KIRREL3: variants seen among roughly 807,000 people sequenced by gnomAD.
The protein encoded by KIRREL3 is kin of IRRE-like protein 3.
KIRREL3 carries 36 observed loss-of-function variants against 89.7 expected under a neutral mutation model. The observed-to-expected ratio is 0.40, with a 90% confidence interval of 0.31 to 0.53. The LOEUF (loss-of-function observed/expected upper bound fraction) is 0.53. Among genes scored for constraint, KIRREL3 ranks in the 20% least tolerant of loss-of-function variants. The pLI is 0.49. For synonymous variants in KIRREL3, 445 were observed against 441.4 expected, an observed-to-expected ratio of 1.01 and a Z score of -0.10; for missense variants, 864 against 1,056.6, an observed-to-expected ratio of 0.82 and a Z score of 2.53.
rs1005879145 is a variant in KIRREL3 at position 126,558,039 on chromosome 11, A to G, written c.133+4796T>C. 5.3e-5 allele frequency among the ~76,000 whole-genome samples: 8 copies of G among 152,176 alleles called. No individual in the cohort carries two copies. The highest frequency in any genetic ancestry group is 2.6e-4 in the Admixed American group (4 of 15,288). On this transcript the variant is annotated intron_variant, in intron 2 of 16. Coordinates refer to ENST00000525144, the MANE Select transcript of KIRREL3 (RefSeq NM_032531.4). This position sits in a 1 kb window ranked among gnomAD's most constrained non-coding sequence, Gnocchi z 4.0. ...GCTCTCCCTTGGTCTCTTGAAGCAG[A>G]CATCATTGCAATGCTGAAAGTCCAC...
At position 126,498,852 on chromosome 11, in the gene KIRREL3, G is replaced by A. The variant is rs1404100359; in HGVS notation, c.433+22463C>T. On this transcript the variant is annotated intron_variant, in intron 4 of 16. Coordinates refer to ENST00000525144, the MANE Select transcript of KIRREL3 (RefSeq NM_032531.4). This position sits in a 1 kb window ranked among gnomAD's most constrained non-coding sequence, Gnocchi z 4.3. Reference sequence around the variant, plus strand: ...TCACAGGCTCAGGACCTCGACGCACGGAAACTTCTGGATCATTAAAGAAGC... The same window carrying A: ...TCACAGGCTCAGGACCTCGACGCACAGAAACTTCTGGATCATTAAAGAAGC... 3.9e-5 allele frequency among the ~76,000 whole-genome samples: 6 copies of A among 152,176 alleles called. No individual in the cohort carries two copies. The highest frequency in any genetic ancestry group is 6.5e-5 in the Admixed American group (1 of 15,284).
At chr11:126,540,566 G>A (rs1238069601) in intron 2 of KIRREL3, among the ~76,000 whole-genome samples, 3 of 152,236 alleles carry the variant, frequency 2.0e-5, no homozygotes, top group Non-Finnish European at 2.9e-5. Flanking sequence ...GATCAGGCTC[G>A]CGGCCCCTGC....
At chr11:126,700,124 G>A (rs951860677) in intron 1 of KIRREL3, among the ~76,000 whole-genome samples, 1 of 151,856 alleles carries the variant, frequency 6.6e-6, no homozygotes, top group Admixed American at 6.6e-5. Context: ...ATTCCAGGAG[G>A]TTGAGGCTGC....
chr11:126,524,968 G>A (rs1448500735), intron 3 of KIRREL3, among the ~76,000 whole-genome samples: 1 of 152,154 alleles, frequency 6.6e-6, no homozygotes, highest in Admixed American at 6.5e-5. Flanking sequence ...TGAGGTCATT[G>A]GCTCTGTATG....
chr11:126,713,185 G>T (rs769635575), intron 1 of KIRREL3, among the ~76,000 whole-genome samples: 5 of 152,246 alleles, frequency 3.3e-5, no homozygotes, highest in Non-Finnish European at 7.3e-5. Context: ...GTCTGAGAAG[G>T]CCATTTAGGG....
At chr11:126,681,793 G>A (rs1946469321) in intron 1 of KIRREL3, 1 of 424,316 alleles carries the variant, frequency 2.4e-6, no homozygotes. Flanking sequence ...GGTTCTATGA[G>A]GCTGAAAATA....
At position 126,740,179 on chromosome 11, in the gene KIRREL3, G is replaced by T. The variant is rs1361131715; in HGVS notation, c.56-177267C>A. ...TCTATTTTCAAGATATTATTTTTTA[G>T]AGGTGGCATCTAATTATGTTTTCTC... On this transcript the variant is annotated intron_variant, in intron 1 of 16. Transcript: ENST00000525144. This position sits in a 1 kb window ranked among gnomAD's most constrained non-coding sequence, Gnocchi z 6.0. 6.6e-6 allele frequency among the ~76,000 whole-genome samples: 1 copy of T among 151,954 alleles called. No individual in the cohort carries two copies. The highest frequency in any genetic ancestry group is 1.5e-5 in the Non-Finnish European group (1 of 68,010).
rs983034407 is a variant in KIRREL3, at chr11:126,565,611, C to T, written c.56-2699G>A. ...TGGGGAGAAGCTACTGGGATCTTTG[C>T]AAGAACGAGCAGGTTGGAGGATGAG... On this transcript the variant is annotated intron_variant, in intron 1 of 16. Transcript: ENST00000525144. The surrounding 1 kb of genome is among the most constrained non-coding windows in gnomAD (Gnocchi z 5.4). Among the ~76,000 whole-genome samples, 2 of 152,118 alleles carry T rather than the reference C, an allele frequency of 1.3e-5. No individual in the cohort carries two copies. Among genetic ancestry groups the T allele is most frequent in the African/African-American group, 4.8e-5 (2 of 41,406 alleles).
At chr11:126,650,897 A>C (rs757970586) in intron 1 of KIRREL3, among the ~76,000 whole-genome samples, 1 of 152,250 alleles carries the variant, frequency 6.6e-6, no homozygotes, top group African/African-American at 2.4e-5. Flanking sequence ...ACAGTTCCAC[A>C]TGGCTGGGAA....
At position 126,493,765 on chromosome 11, in the gene KIRREL3, C is replaced by T. The variant is rs148418373; in HGVS notation, c.434-20299G>A. 2.2e-3 allele frequency among the ~76,000 whole-genome samples: 341 copies of T among 152,074 alleles called. 3 individuals are homozygous for T. The highest frequency in any genetic ancestry group is 0.01 in the Middle Eastern group (3 of 294). ...ACAGCAGCCTGCATCTTCTACTCTG[C>T]CCCCAGCTGGCCCCGCCTGGGCAAA... On this transcript the variant is annotated intron_variant, in intron 4 of 16. Transcript: ENST00000525144.
intron 1 of KIRREL3, among the ~76,000 whole-genome samples, chr11:126,852,819 T>G (rs1230846211): frequency 6.6e-6 from 1 of 152,216 alleles, no homozygotes; most frequent in East Asian, 1.9e-4. Flanking sequence ...GGATCTTTGC[T>G]CTTGGCTTCT....
In KIRREL3 at chr11:126,553,153, T is replaced by C. The variant is rs958236461; in HGVS notation, c.133+9682A>G. Among the ~76,000 whole-genome samples the C allele has an allele frequency of 6.6e-6, 1 of 152,236 alleles. No individual in the cohort carries two copies. The highest frequency in any genetic ancestry group is 2.4e-5 in the African/African-American group (1 of 41,466). On this transcript the variant is annotated intron_variant, in intron 2 of 16. Coordinates refer to ENST00000525144, the MANE Select transcript of KIRREL3 (RefSeq NM_032531.4). This position sits in a 1 kb window ranked among gnomAD's most constrained non-coding sequence, Gnocchi z 4.7. ...CTGTTGTATTTCTCTATCAAATTCT[T>C]ACTCTAAGGAGATCTCTCTGACCAT...
rs1178216617 is a variant in KIRREL3, at chr11:126,455,605, G to A, written c.848+744C>T. Reference sequence around the variant, plus strand: ...AGATCGAGACCATCCTGGCTAACACGGTGAAACGCTGTCTCTACTAAAAAT... The same window carrying A: ...AGATCGAGACCATCCTGGCTAACACAGTGAAACGCTGTCTCTACTAAAAAT... On this transcript the variant is annotated intron_variant, in intron 7 of 16. Transcript: ENST00000525144. The surrounding 1 kb of genome is among the most constrained non-coding windows in gnomAD (Gnocchi z 6.4). 6.6e-6 allele frequency among the ~76,000 whole-genome samples: 1 copy of A among 150,624 alleles called. No individual in the cohort carries two copies. Among genetic ancestry groups the A allele is most frequent in the African/African-American group, 2.4e-5 (1 of 40,838 alleles).
In KIRREL3 at chr11:126,953,164, T is replaced by A. The variant is rs1790290046; in HGVS notation, c.55+47291A>T. On this transcript the variant is annotated intron_variant, in intron 1 of 16. Transcript: ENST00000525144. This position sits in a 1 kb window ranked among gnomAD's most constrained non-coding sequence, Gnocchi z 5.2. ...AATTCTATGCAGCCATAAAAAAGAA[T>A]GAGTTCATGTCCTTTGCAGGGATAT... Among the ~76,000 whole-genome samples, 2 of 152,162 alleles carry A rather than the reference T, an allele frequency of 1.3e-5. No homozygotes were observed. The highest frequency in any genetic ancestry group is 2.9e-5 in the Non-Finnish European group (2 of 68,034).
rs754151440 is a variant in KIRREL3, at chr11:126,955,327, C to T, written c.55+45128G>A. Among the ~76,000 whole-genome samples the T allele has an allele frequency of 6.6e-6, 1 of 152,238 alleles. No homozygotes were observed. The highest frequency in any genetic ancestry group is 2.1e-4 in the South Asian group (1 of 4,832). On this transcript the variant is annotated intron_variant, in intron 1 of 16. Coordinates refer to ENST00000525144, the MANE Select transcript of KIRREL3 (RefSeq NM_032531.4). The surrounding 1 kb of genome is among the most constrained non-coding windows in gnomAD (Gnocchi z 4.6). ...TTAATCCTTGTTCTGGAGATACTTACAGCTGCCCGTGGTTTTTAATTAATA... is the reference window on the plus strand; with the variant it reads ...TTAATCCTTGTTCTGGAGATACTTATAGCTGCCCGTGGTTTTTAATTAATA...
At chr11:126,545,287 G>A (rs1228976445) in intron 2 of KIRREL3, among the ~76,000 whole-genome samples, 1 of 152,160 alleles carries the variant, frequency 6.6e-6, no homozygotes, top group Non-Finnish European at 1.5e-5. Context: ...ACGGGAGTGA[G>A]CCAGGAGCTT....
intron 1 of KIRREL3, among the ~76,000 whole-genome samples, chr11:126,938,758 G>T (rs1258173378): frequency 1.3e-5 from 2 of 152,132 alleles, no homozygotes; most frequent in Non-Finnish European, 2.9e-5. Flanking sequence ...AACCACTTTT[G>T]TATCTTATAG....
intron 1 of KIRREL3, among the ~76,000 whole-genome samples, chr11:126,855,021 G>A (rs1017307046): frequency 1.2e-4 from 18 of 152,172 alleles, no homozygotes; most frequent in African/African-American, 3.6e-4. Flanking sequence ...GCCCCAGCCC[G>A]AAGGCCCAGG....
In KIRREL3 at chr11:126,766,383, G is replaced by A. The variant is rs1323774785; in HGVS notation, c.56-203471C>T. On this transcript the variant is annotated intron_variant, in intron 1 of 16. Coordinates refer to ENST00000525144, the MANE Select transcript of KIRREL3 (RefSeq NM_032531.4). The surrounding 1 kb of genome is among the most constrained non-coding windows in gnomAD (Gnocchi z 4.2). The stretch of plus-strand genomic sequence containing the variant: ...CTACGCGGAGAAGAAAAAACTTGGG[G>A]AGAGAGGGGTAGAGTTAGAATCTTC... Among the ~76,000 whole-genome samples, 2 of 152,156 alleles carry A rather than the reference G, an allele frequency of 1.3e-5. No individual in the cohort carries two copies. Among genetic ancestry groups the A allele is most frequent in the Non-Finnish European group, 2.9e-5 (2 of 68,026 alleles).
Sources: allele counts gnomAD v4.1 joint callset (sites outside exome capture counted in the v4.1 genomes callset), GRCh38; gene constraint gnomAD v4.1.1; non-coding constraint Gnocchi (gnomAD v3.1); transcripts MANE v1.5; gene names NCBI Gene and HGNC (gene_info 2026-07-23, HGNC 2026-07-21).